ARHGAP15: variants seen among roughly 807,000 people sequenced by gnomAD.
ARHGAP15 encodes Rho GTPase activating protein 15.
Under a neutral mutation model 63.7 loss-of-function variants are expected in ARHGAP15, and 51 were observed. That is an observed-to-expected ratio of 0.80 (90% CI 0.64 to 1.01). The LOEUF is 1.01. ARHGAP15 is among the 50% of genes least tolerant of loss of function. ARHGAP15 has a pLI of 0.00. For missense variants in ARHGAP15, 560 were observed against 564.6 expected (o/e 0.99, Z 0.08); for synonymous variants, 191 against 193.8 (o/e 0.99, Z 0.12).
At chr2:143,442,079 T>C (rs747965302) in intron 8 of ARHGAP15, among the ~76,000 whole-genome samples, 20 of 152,190 alleles carry the variant, frequency 1.3e-4, no homozygotes, top group Non-Finnish European at 2.5e-4. Context: ...TTAACTTGTC[T>C]TTGTTTAAAA....
At chr2:143,653,757 A>G (rs940714106) in intron 12 of ARHGAP15, among the ~76,000 whole-genome samples, 1 of 152,172 alleles carries the variant, frequency 6.6e-6, no homozygotes, top group Admixed American at 6.5e-5. Flanking sequence ...GTGTTTGTAT[A>G]GTCTGGGATG....
intron 8 of ARHGAP15, among the ~76,000 whole-genome samples, chr2:143,458,121 A>T (rs974013816): frequency 6.6e-6 from 1 of 152,168 alleles, no homozygotes; most frequent in Non-Finnish European, 1.5e-5. Flanking sequence ...AGGACATAAG[A>T]AAAACTAGAA....
chr2:143,647,373 AAAAG>A (rs1680933194), intron 12 of ARHGAP15, among the ~76,000 whole-genome samples: 1 of 151,650 alleles, frequency 6.6e-6, no homozygotes. Flanking sequence ...AAAAAAAAAA[AAAAG>A]AACATAAAAA....
intron 12 of ARHGAP15, among the ~76,000 whole-genome samples, chr2:143,651,317 C>T (rs1243786141): frequency 6.6e-6 from 1 of 151,874 alleles, no homozygotes; most frequent in African/African-American, 2.4e-5. Flanking sequence ...GGTCCCTGCC[C>T]CAGAGCAAAT....
At chr2:143,614,047 T>C (rs1425470020) in intron 11 of ARHGAP15, among the ~76,000 whole-genome samples, 2 of 152,146 alleles carry the variant, frequency 1.3e-5, no homozygotes. Context: ...CCCAAATGCA[T>C]CATGTTCTTC....
intron 11 of ARHGAP15, among the ~76,000 whole-genome samples, chr2:143,579,747 T>C (rs1696817444): frequency 6.9e-6 from 1 of 143,992 alleles, no homozygotes; most frequent in African/African-American, 2.5e-5. Context: ...TGAAGCTTGA[T>C]TTCTTATTAA....
intron 3 of ARHGAP15, among the ~76,000 whole-genome samples, chr2:143,203,056 A>C (rs1456581326): frequency 6.6e-6 from 1 of 152,008 alleles, no homozygotes; most frequent in African/African-American, 2.4e-5. Flanking sequence ...GCTATATTTC[A>C]TATTGGTCAA....
At chr2:143,208,896 G>A (rs1467132217) in intron 3 of ARHGAP15, among the ~76,000 whole-genome samples, 1 of 152,142 alleles carries the variant, frequency 6.6e-6, no homozygotes, top group African/African-American at 2.4e-5. Flanking sequence ...GCCTGTGGCA[G>A]GTTTTTACAG....
intron 12 of ARHGAP15, among the ~76,000 whole-genome samples, chr2:143,627,726 G>A (rs1698892173): frequency 6.6e-6 from 1 of 152,034 alleles, no homozygotes; most frequent in Non-Finnish European, 1.5e-5. Context: ...CTGGGTCTGG[G>A]CCTCTTTGTC....
At chr2:143,543,109 G>C (rs960954195) in intron 10 of ARHGAP15, among the ~76,000 whole-genome samples, 1 of 151,722 alleles carries the variant, frequency 6.6e-6, no homozygotes, top group Non-Finnish European at 1.5e-5. Flanking sequence ...AATTGTTTGA[G>C]GAATCTCTAT....
chr2:143,239,011 A>C (rs575301276), intron 5 of ARHGAP15, among the ~76,000 whole-genome samples: 2 of 152,180 alleles, frequency 1.3e-5, no homozygotes, highest in African/African-American at 4.8e-5. Context: ...GGAACAACAA[A>C]TACTGGGGCC....
In ARHGAP15 at chr2:143,153,836, CT is replaced by C. The variant is rs1558779530; in HGVS notation, c.-14-1639del. The stretch of plus-strand genomic sequence containing the variant: ...TCTTCTTCTTCTTCTTCTTCTTCTT[CT>C]TCTTCTTCCTCCTCCTCCTCCTCCT... On this transcript the variant is annotated intron_variant, in intron 1 of 13. Coordinates refer to ENST00000295095, the MANE Select transcript of ARHGAP15 (RefSeq NM_018460.4). Among the ~76,000 whole-genome samples, 305 of 85,450 alleles carry C rather than the reference CT, an allele frequency of 3.6e-3. 10 individuals are homozygous for C. The highest frequency in any genetic ancestry group is 8.7e-3 in the African/African-American group (209 of 23,932). 56.1% of individuals were successfully genotyped at this position (85,450 alleles called of 152,430 possible). A position where few individuals can be genotyped will look rare whatever the true frequency, so the allele number is the denominator to read the frequency against.
intron 6 of ARHGAP15, among the ~76,000 whole-genome samples, chr2:143,353,271 C>T (rs1285501287): frequency 1.3e-5 from 2 of 152,036 alleles, no homozygotes; most frequent in African/African-American, 2.4e-5. Context: ...GCCTGGACAA[C>T]AATGTGAGAT....
chr2:143,373,191 C>A (rs960983215), intron 6 of ARHGAP15, among the ~76,000 whole-genome samples: 3 of 151,988 alleles, frequency 2.0e-5, no homozygotes, highest in Non-Finnish European at 4.4e-5. Flanking sequence ...TACTGTTATT[C>A]CCATTTTATA....
At chr2:143,407,384 ATTTCC>A (rs1313975953) in intron 6 of ARHGAP15, among the ~76,000 whole-genome samples, 1 of 151,772 alleles carries the variant, frequency 6.6e-6, no homozygotes, top group Non-Finnish European at 1.5e-5. Flanking sequence ...AGTAGTCATC[ATTTCC>A]TTTCCTATTT....
At chr2:143,429,330 G>T (rs758514596) in intron 6 of ARHGAP15, among the ~76,000 whole-genome samples, 6 of 151,808 alleles carry the variant, frequency 4.0e-5, no homozygotes, top group Non-Finnish European at 7.4e-5. Context: ...TCACTACAGG[G>T]ACAATTTTAT....
intron 5 of ARHGAP15, among the ~76,000 whole-genome samples, chr2:143,243,693 G>A (rs1001362797): frequency 2.0e-5 from 3 of 151,886 alleles, no homozygotes; most frequent in South Asian, 2.1e-4. Flanking sequence ...ATTGTCTTCC[G>A]AATAAATTCT....
chr2:143,173,959 T>G (rs1283064839), intron 2 of ARHGAP15, among the ~76,000 whole-genome samples: 2 of 152,106 alleles, frequency 1.3e-5, no homozygotes, highest in Non-Finnish European at 2.9e-5. Flanking sequence ...TTATTCTCCT[T>G]GGTTGAATTC....
At chr2:143,729,072 C>T (rs1413298255) in intron 13 of ARHGAP15, among the ~76,000 whole-genome samples, 1 of 152,066 alleles carries the variant, frequency 6.6e-6, no homozygotes, top group African/African-American at 2.4e-5. Flanking sequence ...CATGTGCATG[C>T]ATAGCAAGAA....
Sources: allele counts gnomAD v4.1 joint callset (sites outside exome capture counted in the v4.1 genomes callset), GRCh38; gene constraint gnomAD v4.1.1; transcripts MANE v1.5; gene names NCBI Gene and HGNC (gene_info 2026-07-23, HGNC 2026-07-21).